LRMDA: variants seen among roughly 807,000 people sequenced by gnomAD.
The protein encoded by LRMDA is leucine-rich melanocyte differentiation-associated protein.
LRMDA carries 18 observed loss-of-function variants against 29.8 expected under a neutral mutation model. That is an observed-to-expected ratio of 0.60 (90% CI 0.42 to 0.90). The LOEUF (loss-of-function observed/expected upper bound fraction) is 0.90, where lower values mean the gene tolerates loss of function less well. Ranked by LOEUF, LRMDA falls within the 40% of genes least tolerant of loss-of-function variation. The pLI is 0.00. For synonymous variants in LRMDA, 125 were observed against 109.4 expected (o/e 1.14, Z -0.89); for missense variants, 273 against 273.9 (o/e 1.00, Z 0.02).
At chr10:75,984,686 G>A (rs1847233357) in intron 2 of LRMDA, among the ~76,000 whole-genome samples, 1 of 152,208 alleles carries the variant, frequency 6.6e-6, no homozygotes, top group African/African-American at 2.4e-5. Context: ...CAACCAAATT[G>A]CCCTTTCATT....
intron 6 of LRMDA, among the ~76,000 whole-genome samples, chr10:76,355,632 A>C (rs1841230481): frequency 6.6e-6 from 1 of 152,154 alleles, no homozygotes; most frequent in Non-Finnish European, 1.5e-5. Flanking sequence ...TTTACCATTC[A>C]ACCTCTCAAA....
At chr10:75,881,490 C>G (rs181084612) in intron 2 of LRMDA, among the ~76,000 whole-genome samples, 18 of 152,286 alleles carry the variant, frequency 1.2e-4, no homozygotes, top group African/African-American at 2.2e-4. Flanking sequence ...ATCTCTCCCC[C>G]CCACTACCCC....
intron 6 of LRMDA, among the ~76,000 whole-genome samples, chr10:76,444,421 G>T (rs1289116223): frequency 6.6e-6 from 1 of 152,190 alleles, no homozygotes; most frequent in Non-Finnish European, 1.5e-5. Flanking sequence ...TCTGAGTTCA[G>T]TGTGGATGTT....
chr10:75,517,034 C>G (rs2132035171), intron 2 of LRMDA, among the ~76,000 whole-genome samples: 1 of 152,000 alleles, frequency 6.6e-6, no homozygotes, highest in East Asian at 1.9e-4. Context: ...ATTTCTGAGG[C>G]CACTGTTCTG....
intron 2 of LRMDA, among the ~76,000 whole-genome samples, chr10:75,513,394 A>G (rs1845250613): frequency 6.6e-6 from 1 of 152,166 alleles, no homozygotes; most frequent in Non-Finnish European, 1.5e-5. Flanking sequence ...TGTGGAGAAC[A>G]TATCGCTTCT....
chr10:76,335,311 G>C (rs914769189), intron 6 of LRMDA, among the ~76,000 whole-genome samples: 42 of 152,266 alleles, frequency 2.8e-4, no homozygotes, highest in Middle Eastern at 3.4e-3. Flanking sequence ...CCCACATGAG[G>C]ATTTATACCG....
At chr10:75,819,285 C>T (rs1486052441) in intron 2 of LRMDA, among the ~76,000 whole-genome samples, 1 of 152,146 alleles carries the variant, frequency 6.6e-6, no homozygotes, top group Non-Finnish European at 1.5e-5. Context: ...TGATCAGTGA[C>T]TTCTTGAGTA....
chr10:76,484,223 C>A (rs540247434), intron 6 of LRMDA, among the ~76,000 whole-genome samples: 1 of 151,512 alleles, frequency 6.6e-6, no homozygotes, highest in Non-Finnish European at 1.5e-5. Flanking sequence ...CCTCCTCCTC[C>A]ATCTTCTCCT....
chr10:75,694,374 G>A (rs1050553981), intron 2 of LRMDA, among the ~76,000 whole-genome samples: 2 of 152,176 alleles, frequency 1.3e-5, no homozygotes, highest in African/African-American at 4.8e-5. Context: ...CCTACCCACC[G>A]TAGGATGCAA....
intron 2 of LRMDA, among the ~76,000 whole-genome samples, chr10:75,979,684 A>G (rs542676735): frequency 1.3e-5 from 2 of 151,596 alleles, no homozygotes; most frequent in Admixed American, 1.3e-4. Context: ...GATGTCAAGG[A>G]CCCCTTCATT....
At chr10:76,126,104 G>A (rs1405168289) in intron 5 of LRMDA, among the ~76,000 whole-genome samples, 3 of 152,158 alleles carry the variant, frequency 2.0e-5, no homozygotes, top group African/African-American at 7.2e-5. Context: ...AGAGAGAGGG[G>A]ATATCCTGAC....
intron 5 of LRMDA, among the ~76,000 whole-genome samples, chr10:76,237,055 C>T (rs963995128): frequency 6.6e-6 from 1 of 152,016 alleles, no homozygotes. Flanking sequence ...CATTTTGTTG[C>T]CTACATTTAT....
At chr10:75,600,145 A>C (rs190022543) in intron 2 of LRMDA, among the ~76,000 whole-genome samples, 1 of 151,218 alleles carries the variant, frequency 6.6e-6, no homozygotes, top group Non-Finnish European at 1.5e-5. Context: ...CTCCTTTTCC[A>C]AGGGCTCTGA....
intron 2 of LRMDA, among the ~76,000 whole-genome samples, chr10:75,644,369 C>T (rs554434753): frequency 6.6e-6 from 1 of 152,306 alleles, no homozygotes; most frequent in Admixed American, 6.5e-5. Flanking sequence ...TGGCCCTTCT[C>T]TTTGTTCTGT....
intron 2 of LRMDA, among the ~76,000 whole-genome samples, chr10:75,494,087 T>C (rs1165579733): frequency 6.6e-6 from 1 of 152,198 alleles, no homozygotes; most frequent in Non-Finnish European, 1.5e-5. Context: ...ATTCTCTCTC[T>C]AAATTTTCCT....
chr10:76,327,945 G>A (rs985376589), intron 6 of LRMDA, among the ~76,000 whole-genome samples: 7 of 152,178 alleles, frequency 4.6e-5, no homozygotes, highest in Admixed American at 4.6e-4. Flanking sequence ...TTGACGGTAG[G>A]GAAGGGAATA....
At position 75,833,024 on chromosome 10, in the gene LRMDA, C is replaced by T. The variant is rs561856157; in HGVS notation, c.132-202984C>T. On this transcript the variant is annotated intron_variant, in intron 2 of 6. Transcript: ENST00000611255. Reference sequence around the variant, plus strand: ...CTGGCTAAATAAGGTGATCACATATCATAGGTTTTCTGTGGCTATCTCATT... The same window carrying T: ...CTGGCTAAATAAGGTGATCACATATTATAGGTTTTCTGTGGCTATCTCATT... 3.3e-5 allele frequency among the ~76,000 whole-genome samples: 5 copies of T among 152,280 alleles called. No individual in the cohort carries two copies. The South Asian group carries it at 8.3e-4, about 25-fold the overall frequency.
intron 2 of LRMDA, chr10:75,743,553 C>T (rs2132212124): frequency 6.6e-6 from 1 of 152,262 alleles, no homozygotes; most frequent in African/African-American, 2.4e-5. Context: ...ATATTTCAAC[C>T]ACCTCTGGAG....
chr10:75,452,863 G>A (rs1844476214), intron 2 of LRMDA, among the ~76,000 whole-genome samples: 2 of 152,138 alleles, frequency 1.3e-5, no homozygotes, highest in Non-Finnish European at 2.9e-5. Context: ...CTTGGACACT[G>A]CTTAGTGTGG....
Sources: gnomAD v4.1 joint callset for allele counts (sites outside exome capture counted in the v4.1 genomes callset) on GRCh38, gnomAD v4.1.1 for gene constraint, MANE v1.5 for transcripts, NCBI Gene and HGNC (gene_info 2026-07-23, HGNC 2026-07-21) for gene names.